Variants in SPG11 observed in about 807,000 individuals in gnomAD.
The protein encoded by SPG11 is SPG11 vesicle trafficking associated, spatacsin.
In SPG11, 222 loss-of-function variants were observed where a neutral mutation model predicts 274.0. The ratio of observed to expected loss-of-function variants is 0.81; its 90% CI spans 0.73 to 0.91. The LOEUF is 0.91. SPG11 is among the 40% of genes least tolerant of loss of function. The probability of loss-of-function intolerance (pLI) is 0.00; values close to 1 mark genes in which losing one functional copy is unlikely to be tolerated. For missense variants in SPG11, 3,114 were observed against 2,872.7 expected, an observed-to-expected ratio of 1.08 and a Z score of -1.92; for synonymous variants, 1,144 against 1,039.7, an observed-to-expected ratio of 1.10 and a Z score of -1.93.
At chr15:44,594,493 C>T (rs185821830) in intron 26 of SPG11, among the ~76,000 whole-genome samples, 2 of 151,864 alleles carry the variant, frequency 1.3e-5, no homozygotes, top group African/African-American at 4.8e-5. Context: ...TGCCTGTAAT[C>T]CCAGTGCTCT....
At chr15:44,604,276 C>T in intron 20 of SPG11, 1 of 330,590 alleles carries the variant, frequency 3.0e-6, no homozygotes, top group Non-Finnish European at 6.1e-6. Flanking sequence ...TACATTCCCT[C>T]TTTGAGATTA....
Position 44,578,019 on chromosome 15 carries a change from C to CTTTTTTTTT in SPG11, c.5867-2987_5867-2979dup, listed in dbSNP as rs1179057683. On this transcript the variant is annotated intron_variant, in intron 30 of 39. Coordinates refer to ENST00000261866, the MANE Select transcript of SPG11 (RefSeq NM_025137.4). Reference sequence around the variant, plus strand: ...CTCTCAGAAAGGGGAGCCTTCTTTCCTTTTTTTTTTTTTTTTTTTTTTTGA... The same window carrying CTTTTTTTTT: ...CTCTCAGAAAGGGGAGCCTTCTTTCCTTTTTTTTTTTTTTTTTTTTTTTTTTTTTTTTGA... 1.2e-4 allele frequency among the ~76,000 whole-genome samples: 14 copies of CTTTTTTTTT among 117,566 alleles called. 1 individual carries two copies. The highest frequency in any genetic ancestry group is 9.5e-4 in the East Asian group (4 of 4,226). 77.1% of individuals were successfully genotyped at this position (117,566 alleles called of 152,430 possible).
intron 16 of SPG11, 126 bp from the exon 17 acceptor site, chr15:44,613,662 C>A: frequency 1.6e-6 from 1 of 634,504 alleles, no homozygotes. Flanking sequence ...AAATATAACA[C>A]AAAATACTCC....
chr15:44,654,011 T>C (rs1053282527), intron 4 of SPG11, among the ~76,000 whole-genome samples: 8 of 152,120 alleles, frequency 5.3e-5, no homozygotes, highest in African/African-American at 1.9e-4. Context: ...TGGAGTGCAG[T>C]GGTGCAATGA....
chr15:44,618,591 G>T (rs1390160931), intron 15 of SPG11, among the ~76,000 whole-genome samples: 1 of 151,466 alleles, frequency 6.6e-6, no homozygotes, highest in East Asian at 1.9e-4. Flanking sequence ...GCCGAGGCGG[G>T]CAGAACACGA....
intron 7 of SPG11, among the ~76,000 whole-genome samples, chr15:44,635,788 G>GC (rs965977321): frequency 2.0e-5 from 3 of 151,630 alleles, no homozygotes; most frequent in Admixed American, 2.0e-4. Context: ...GTGGTGGTGT[G>GC]CACCTGCAGT....
intron 30 of SPG11, among the ~76,000 whole-genome samples, chr15:44,578,646 T>C (rs2082595938): frequency 6.6e-6 from 1 of 152,114 alleles, no homozygotes; most frequent in Non-Finnish European, 1.5e-5. Flanking sequence ...AGGTCACAGA[T>C]TGACCACTAG....
intron 7 of SPG11, among the ~76,000 whole-genome samples, chr15:44,645,312 C>T (rs980018880): frequency 7.9e-5 from 12 of 152,134 alleles, no homozygotes; most frequent in Non-Finnish European, 1.8e-4. Context: ...AGAAATAAAG[C>T]CACACACCTA....
At chr15:44,569,601 G>T in intron 34 of SPG11, 96 bp from the exon 35 acceptor site, 1 of 902,424 alleles carries the variant, frequency 1.1e-6, no homozygotes. Context: ...CAGATGCCAA[G>T]CTCCAGGAGG....
chr15:44,577,989 T>TA, intron 30 of SPG11, among the ~76,000 whole-genome samples: 1 of 151,082 alleles, frequency 6.6e-6, no homozygotes, highest in South Asian at 2.1e-4. Flanking sequence ...AGGCAAGAGC[T>TA]AAGGCTCTCA....
chr15:44,653,638 T>C (rs1178868427), intron 4 of SPG11, among the ~76,000 whole-genome samples: 2 of 151,676 alleles, frequency 1.3e-5, no homozygotes, highest in Non-Finnish European at 2.9e-5. Context: ...GACAGAAGAG[T>C]TGAGAAAAGT....
At chr15:44,615,592 A>C in intron 15 of SPG11, 26 bp from the exon 16 acceptor site, 2 of 1,608,126 alleles carry the variant, frequency 1.2e-6, no homozygotes, top group Non-Finnish European at 8.5e-7. Context: ...TAGGATGTCA[A>C]GTTAAAAAGT....
chr15:44,571,412 C>T (rs971962485), intron 33 of SPG11, among the ~76,000 whole-genome samples: 1 of 152,036 alleles, frequency 6.6e-6, no homozygotes, highest in Non-Finnish European at 1.5e-5. Flanking sequence ...CTTATAGTGT[C>T]TGGCACAAAG....
chr15:44,654,936 G>A (rs896398117), intron 4 of SPG11, among the ~76,000 whole-genome samples: 1 of 152,156 alleles, frequency 6.6e-6, no homozygotes. Context: ...AAATGTAAAC[G>A]AATGTCAAGA....
chr15:44,566,488 G>A (rs1033118058), intron 36 of SPG11, among the ~76,000 whole-genome samples, 183 bp from the exon 37 acceptor site: 11 of 152,274 alleles, frequency 7.2e-5, no homozygotes, highest in South Asian at 2.1e-4. Context: ...ACTTCACTCC[G>A]CAGTAGGATT....
At chr15:44,633,324 CA>C (rs531787427) in intron 8 of SPG11, 180 bp downstream of exon 8, 106 of 108,862 alleles carry the variant, frequency 9.7e-4, no homozygotes, top group Non-Finnish European at 1.2e-3. Context: ...GACTCTGTCT[CA>C]AAAAAAAAAA....
At chr15:44,585,950 A>G (rs1334831025) in intron 28 of SPG11, 100 bp from the exon 29 acceptor site, 21 of 988,724 alleles carry the variant, frequency 2.1e-5, no homozygotes, top group Middle Eastern at 5.7e-4. Context: ...CGTGTTTAAC[A>G]TAGTAATGTG....
chr15:44,649,040 CAAATT>C, intron 6 of SPG11, 29 bp from the exon 7 acceptor site: 1 of 1,566,456 alleles, frequency 6.4e-7, no homozygotes, highest in East Asian at 2.2e-5. Flanking sequence ...TTAGCTTTAA[CAAATT>C]AGATTAGATT....
rs1198260134 is a variant in SPG11 at position 44,592,110 on chromosome 15, C to CA, written c.4743+220dup. ...TGGGCGACAGAGCCAGACACTGTCT[C>CA]AAAAAAAAAAAAAAAAAGATTAAAA... On this transcript the variant is annotated intron_variant, in intron 27 of 39. Coordinates refer to ENST00000261866, the MANE Select transcript of SPG11 (RefSeq NM_025137.4). Among the ~76,000 whole-genome samples the CA allele has an allele frequency of 0.016, 1,510 of 91,704 alleles. 22 individuals are homozygous for CA. Among genetic ancestry groups the CA allele is most frequent in the Middle Eastern group, 0.041 (6 of 146 alleles). 60.2% of individuals were successfully genotyped at this position (91,704 alleles called of 152,430 possible). A position where few individuals can be genotyped will look rare whatever the true frequency, so the allele number is the denominator to read the frequency against.
Sources: allele counts gnomAD v4.1 joint callset (sites outside exome capture counted in the v4.1 genomes callset), GRCh38; gene constraint gnomAD v4.1.1; transcripts MANE v1.5; gene names NCBI Gene and HGNC (gene_info 2026-07-23, HGNC 2026-07-21).